COL16A1: variants seen among roughly 807,000 people sequenced by gnomAD.
COL16A1 encodes the protein collagen type XVI alpha 1 chain, also known as collagen alpha-1(XVI) chain.
In COL16A1, 189 loss-of-function variants were observed where a neutral mutation model predicts 266.3. The ratio of observed to expected loss-of-function variants is 0.71; its 90% CI spans 0.63 to 0.80. The LOEUF (loss-of-function observed/expected upper bound fraction) is 0.80, where lower values mean the gene tolerates loss of function less well. Among genes scored for constraint, COL16A1 ranks in the 30% least tolerant of loss-of-function variants. The pLI, the probability that COL16A1 is intolerant of heterozygous loss-of-function variation, is 0.00. For synonymous variants in COL16A1, 740 were observed against 782.3 expected (o/e 0.95, Z 0.90); for missense variants, 1,928 against 2,122.4 (o/e 0.91, Z 1.80).
chr1:31,679,891 A>G, intron 40 of COL16A1, 40 bp from the exon 41 acceptor site: 1 of 1,508,566 alleles, frequency 6.6e-7, no homozygotes, highest in Non-Finnish European at 8.9e-7. Flanking sequence ...GGGAGAGGTT[A>G]TAGGCAACGT....
At position 31,685,608 on chromosome 1, in the gene COL16A1, T is replaced by C. The variant is rs1455933164; in HGVS notation, c.2016+31A>G. On this transcript the variant is annotated intron_variant, in intron 29 of 70. Transcript: ENST00000373672. This position sits in a 1 kb window ranked among gnomAD's most constrained non-coding sequence, Gnocchi z 4.0. The stretch of plus-strand genomic sequence containing the variant: ...TCCTTAGCCCCGCCTGCATCCCCCG[T>C]CCAGAGGCCCCTGCCTATATCCCAC... 1.9e-6 allele frequency: 3 copies of C among 1,601,848 alleles called. No homozygotes were observed. In the African/African-American group the frequency reaches 4.0e-5, roughly 22 times the overall value.
chr1:31,691,738 C>A, intron 17 of COL16A1, 96 bp from the exon 18 acceptor site: 1 of 1,423,470 alleles, frequency 7.0e-7, no homozygotes, highest in Non-Finnish European at 9.6e-7. Context: ...ACCCTCCCTG[C>A]CCCTCCCCCA....
chr1:31,682,220 T>C (rs1643696861), intron 37 of COL16A1, among the ~76,000 whole-genome samples: 1 of 152,192 alleles, frequency 6.6e-6, no homozygotes, highest in African/African-American at 2.4e-5. Context: ...AATGCACTTA[T>C]GATTACTTAA....
At chr1:31,660,720 G>A (rs1641581174) in intron 61 of COL16A1, 82 bp from the exon 62 acceptor site, 3 of 1,586,170 alleles carry the variant, frequency 1.9e-6, no homozygotes, top group African/African-American at 1.3e-5. Flanking sequence ...AGGGGGCTGG[G>A]CAGAATACAT....
intron 55 of COL16A1, 139 bp from the exon 56 acceptor site, chr1:31,665,373 G>A (rs950749926): frequency 5.4e-5 from 77 of 1,422,938 alleles, no homozygotes; most frequent in Admixed American, 4.8e-5. Context: ...GGAGCATTAC[G>A]TCTGCCTGGC....
chr1:31,658,485 T>C lies in COL16A1; in HGVS notation c.4020+3A>G, dbSNP rs1641361687. ...GGCTATGCTGTAGAATGTGGGATCT[T>C]ACTGGGGGGCCAGGGTGTCCAGGGG... On this transcript the variant is annotated splice_donor_region_variant and intron_variant, in intron 64 of 70. Coordinates refer to ENST00000373672, the MANE Select transcript of COL16A1 (RefSeq NM_001856.4). 1.3e-6 allele frequency: 2 copies of C among 1,597,616 alleles called. No individual in the cohort carries two copies. The highest frequency in any genetic ancestry group is 2.7e-5 in the African/African-American group (2 of 74,800).
At position 31,667,630 on chromosome 1, in the gene COL16A1, T is replaced by G; in HGVS notation, c.3304-2A>C. Reference sequence around the variant, plus strand: ...GTAGCCACGCTCCCCCTTGATGCCCTGACAAGTGGCAAAGAGACAGTGGAA... The same window carrying G: ...GTAGCCACGCTCCCCCTTGATGCCCGGACAAGTGGCAAAGAGACAGTGGAA... On this transcript the variant is annotated splice_acceptor_variant, in intron 51 of 70. Coordinates refer to ENST00000373672, the MANE Select transcript of COL16A1 (RefSeq NM_001856.4). LOFTEE classifies it high-confidence loss of function. The G allele has an allele frequency of 6.2e-7, 1 of 1,604,858 alleles. No individual in the cohort carries two copies. Among genetic ancestry groups the G allele is most frequent in the South Asian group, 1.1e-5 (1 of 89,168 alleles).
At chr1:31,654,187 G>A (rs1044743005) in intron 68 of COL16A1, 144 bp from the exon 69 acceptor site, 1 of 1,261,390 alleles carries the variant, frequency 7.9e-7, no homozygotes, top group African/African-American at 1.5e-5. Context: ...GTATGGGGGT[G>A]GGTCTCGCAA....
intron 2 of COL16A1, among the ~76,000 whole-genome samples, chr1:31,700,823 G>T (rs1644698595): frequency 6.6e-6 from 1 of 152,156 alleles, no homozygotes; most frequent in African/African-American, 2.4e-5. Flanking sequence ...CAAGCTCAAG[G>T]GTACCACCAG....
chr1:31,684,270 G>T, intron 31 of COL16A1, 39 bp from the exon 32 acceptor site: 1 of 1,453,534 alleles, frequency 6.9e-7, no homozygotes, highest in Non-Finnish European at 9.1e-7. Flanking sequence ...CCATGAGCCG[G>T]GGCTGGCACC....
intron 44 of COL16A1, 74 bp downstream of exon 44, chr1:31,674,933 T>C: frequency 6.3e-7 from 1 of 1,584,140 alleles, no homozygotes; most frequent in Non-Finnish European, 8.6e-7. Context: ...GCCACACAGC[T>C]GAGCACTTAC....
At chr1:31,665,084 C>T in intron 56 of COL16A1, 88 bp downstream of exon 56, 2 of 1,554,228 alleles carry the variant, frequency 1.3e-6, no homozygotes, top group Non-Finnish European at 1.7e-6. Context: ...CTTGGAATTT[C>T]CTGAAAGCCT....
At chr1:31,658,815 C>G in intron 63 of COL16A1, 99 bp downstream of exon 63, 1 of 1,393,290 alleles carries the variant, frequency 7.2e-7, no homozygotes, top group Non-Finnish European at 9.9e-7. Context: ...GGGGATGAGA[C>G]AAACTGTTCT....
Position 31,683,364 on chromosome 1 carries a change from C to A in COL16A1, c.2385G>T (p.Glu795Asp). The change falls in exon 35 of 71, where the codon GAG becomes GAT. Residue 795 changes from glutamate (E) to aspartate (D), a missense_variant. Glu to Asp is a conservative substitution (Grantham distance 45). Coordinates refer to ENST00000373672, the MANE Select transcript of COL16A1 (RefSeq NM_001856.4). ...TGCCAGGCAAACCCGGGGCTCCAGG[C>A]TCCCCCTGCAAGTCAGAAAGGGCAG... is the stretch of plus-strand genomic sequence containing the variant. ...PGRGVQGPQG[E>D]PGAPGLPGIQ... The A allele has an allele frequency of 1.2e-6, 2 of 1,614,080 alleles. No individual in the cohort carries two copies. The highest frequency in any genetic ancestry group is 1.7e-6 in the Non-Finnish European group (2 of 1,180,042).
In COL16A1 at chr1:31,662,686, C is replaced by CCCCG. The variant is rs1553159507; in HGVS notation, c.3556-29_3556-28insCGGG. 712 of 1,020,960 alleles carry CCCCG rather than the reference C, an allele frequency of 7.0e-4. 1 individual carries two copies. Among genetic ancestry groups the CCCCG allele is most frequent in the Non-Finnish European group, 9.2e-4 (651 of 709,832 alleles). 63.2% of individuals were successfully genotyped at this position (1,020,960 alleles called of 1,614,324 possible). On this transcript the variant is annotated intron_variant, in intron 56 of 70. Coordinates refer to ENST00000373672, the MANE Select transcript of COL16A1 (RefSeq NM_001856.4). Reference sequence around the variant, plus strand: ...GGAAACCAGCGCCGCCCCCCCCCCCCGCCCCACAATAAAGTCAGCAGGGCT... The same window carrying CCCCG: ...GGAAACCAGCGCCGCCCCCCCCCCCCCCCGGCCCCACAATAAAGTCAGCAGGGCT...
chr1:31,653,746 AACACACACACACAC>A (rs3841648), intron 69 of COL16A1, 70 bp from the exon 70 acceptor site: 5 of 1,456,236 alleles, frequency 3.4e-6, no homozygotes, highest in South Asian at 2.6e-5. Context: ...GATTACTTGA[AACACACACACACAC>A]ACACACACAC....
intron 22 of COL16A1, 106 bp from the exon 23 acceptor site, chr1:31,689,957 C>A: frequency 1.1e-6 from 1 of 897,900 alleles, no homozygotes; most frequent in Non-Finnish European, 1.8e-6. Flanking sequence ...CCACCAGAGC[C>A]CCACCCCCAA....
rs376073288 is a variant in COL16A1, at chr1:31,692,479, C to T, written c.1189G>A (p.Glu397Lys). 29 of 1,613,220 alleles carry T rather than the reference C, an allele frequency of 1.8e-5. No individual in the cohort carries two copies. Among genetic ancestry groups the T allele is most frequent in the Middle Eastern group, 1.7e-4 (1 of 6,056 alleles). The change falls in exon 16 of 71, where the codon GAG becomes AAG. Residue 397 changes from glutamate (E) to lysine (K), a missense_variant. By Grantham distance (56) the Glu-to-Lys change is moderately conservative (BLOSUM62 1). Transcript: ENST00000373672. ...GPSGLPGSTG[E>K]KGQKGEKGDG... Reference sequence around the variant, plus strand: ...TCCAAATCCAGGCTTGTTACCTTCTCGCCTGTTGAGCCTGGGAGTCCTGAG... The same window carrying T: ...TCCAAATCCAGGCTTGTTACCTTCTTGCCTGTTGAGCCTGGGAGTCCTGAG...
In COL16A1 at chr1:31,668,710, C is replaced by T. The variant is rs909918461; in HGVS notation, c.3249+92G>A. On this transcript the variant is annotated intron_variant, in intron 50 of 70. Coordinates refer to ENST00000373672, the MANE Select transcript of COL16A1 (RefSeq NM_001856.4). This position sits in a 1 kb window ranked among gnomAD's most constrained non-coding sequence, Gnocchi z 5.8. ...CTCAAGGAGTCCACCTCCCAGCTTC[C>T]ACTCAGCAGCCACCCTTCAGAGCTC... 1.4e-5 allele frequency: 19 copies of T among 1,404,228 alleles called. No individual in the cohort carries two copies. The African/African-American group carries it at 1.6e-4, about 11-fold the overall frequency. The allele number at this position is 1,404,228 out of a possible 1,614,324, so 87.0% of individuals were successfully genotyped here. A position where few individuals can be genotyped will look rare whatever the true frequency, so the allele number is the denominator to read the frequency against.
Sources: gnomAD v4.1 joint callset for allele counts (sites outside exome capture counted in the v4.1 genomes callset) on GRCh38, gnomAD v4.1.1 for gene constraint, Gnocchi (gnomAD v3.1) non-coding constraint, MANE v1.5 for transcripts, NCBI Gene and HGNC (gene_info 2026-07-23, HGNC 2026-07-21) for gene names.